The following DST variants were observed in gnomAD, a reference collection of about 807,000 sequenced individuals.
DST encodes dystonin.
DST carries 253 observed loss-of-function variants against 875.2 expected under a neutral mutation model. The observed-to-expected ratio is 0.29, with a 90% CI of 0.26 to 0.32. The LOEUF is 0.32. Ranked by LOEUF, DST falls within the 10% of genes least tolerant of loss-of-function variation. The probability of loss-of-function intolerance (pLI) is 1.00; values close to 1 mark genes in which losing one functional copy is unlikely to be tolerated. For missense variants in DST, 8,287 were observed against 9,111.6 expected (o/e 0.91, Z 3.68); for synonymous variants, 3,124 against 3,197.1 (o/e 0.98, Z 0.77).
At chr6:56,557,280 T>C in intron 59 of DST, 39 bp downstream of exon 59, 1 of 1,568,560 alleles carries the variant, frequency 6.4e-7, no homozygotes, top group Non-Finnish European at 8.6e-7. Context: ...GTAAGTCAAA[T>C]TGCTATGCAC....
intron 2 of DST, among the ~76,000 whole-genome samples, chr6:56,914,188 C>T (rs189592525): frequency 1.8e-4 from 28 of 152,188 alleles, no homozygotes; most frequent in Admixed American, 6.5e-4. Context: ...TTTATGGAAC[C>T]AACAATGCAT....
At chr6:56,830,247 AATG>A (rs2153059164) in intron 4 of DST, among the ~76,000 whole-genome samples, 1 of 152,304 alleles carries the variant, frequency 6.6e-6, no homozygotes, top group African/African-American at 2.4e-5. Context: ...AATGGTTTGA[AATG>A]ATATTTCATG....
rs141007158 is a variant in DST at position 56,560,611 on chromosome 6, G to A, written c.14311-188C>T. Among the ~76,000 whole-genome samples, 53 of 152,152 alleles carry A rather than the reference G, an allele frequency of 3.5e-4. 1 individual carries two copies. The East Asian group carries it at 0.01, about 29-fold the overall frequency. On this transcript the variant is annotated intron_variant, in intron 57 of 103. Coordinates refer to ENST00000680361, the MANE Select transcript of DST (RefSeq NM_001374736.1). ...CTTCTTAGCTAGTGTTCAATTGTGT[G>A]ATACAGGAATCCCCACAGAGGAACA...
chr6:56,935,318 C>T (rs967657887), intron 2 of DST, among the ~76,000 whole-genome samples: 3 of 152,236 alleles, frequency 2.0e-5, no homozygotes, highest in Admixed American at 2.0e-4. Flanking sequence ...AAACAAGAGG[C>T]AGTCACACTC....
At chr6:56,857,103 C>G (rs1768284914) in intron 3 of DST, among the ~76,000 whole-genome samples, 1 of 151,874 alleles carries the variant, frequency 6.6e-6, no homozygotes, top group South Asian at 2.1e-4. Flanking sequence ...CCTCGAACTC[C>G]TGGGCTCAAG....
chr6:56,866,125 C>G (rs1250820281), intron 3 of DST, among the ~76,000 whole-genome samples: 1 of 152,050 alleles, frequency 6.6e-6, no homozygotes, highest in Non-Finnish European at 1.5e-5. Flanking sequence ...TCCCGAGTAG[C>G]TGGGGCTACA....
At chr6:56,719,387 C>T (rs191464081) in intron 5 of DST, among the ~76,000 whole-genome samples, 51 of 152,242 alleles carry the variant, frequency 3.3e-4, no homozygotes, top group Admixed American at 8.5e-4. Context: ...AGACCAAAGC[C>T]GGGGTTATAC....
intron 2 of DST, among the ~76,000 whole-genome samples, chr6:56,912,615 C>A (rs1799235832): frequency 6.6e-6 from 1 of 152,138 alleles, no homozygotes. Flanking sequence ...GAGCTTAACA[C>A]AATAAAAGTT....
intron 9 of DST, among the ~76,000 whole-genome samples, chr6:56,672,721 A>T (rs1264511318): frequency 6.6e-6 from 1 of 152,202 alleles, no homozygotes; most frequent in Non-Finnish European, 1.5e-5. Context: ...CAACAACATT[A>T]GCACAGTGTA....
chr6:56,609,465 C>A, intron 39 of DST, 121 bp from the exon 40 acceptor site: 1 of 703,878 alleles, frequency 1.4e-6, no homozygotes, highest in Non-Finnish European at 2.4e-6. Flanking sequence ...CTCTACTTAC[C>A]AAGGCGCAGC....
At chr6:56,481,118 T>C (rs140453110) in intron 90 of DST, among the ~76,000 whole-genome samples, 2 of 152,344 alleles carry the variant, frequency 1.3e-5, no homozygotes, top group East Asian at 3.9e-4. Context: ...ATTTCATCGC[T>C]ATAGATTCAG....
intron 4 of DST, among the ~76,000 whole-genome samples, chr6:56,761,988 C>G (rs1022695166): frequency 2.0e-5 from 3 of 152,054 alleles, no homozygotes; most frequent in Non-Finnish European, 4.4e-5. Context: ...TCTGCCTCAT[C>G]ATGGCACAGA....
chr6:56,850,361 C>T (rs1203283017), intron 4 of DST, among the ~76,000 whole-genome samples: 1 of 151,242 alleles, frequency 6.6e-6, no homozygotes, highest in African/African-American at 2.4e-5. Context: ...CCCCTCCAGC[C>T]CCCTTGGAGG....
intron 3 of DST, among the ~76,000 whole-genome samples, chr6:56,866,838 G>T (rs1040001511): frequency 3.1e-4 from 47 of 152,186 alleles, no homozygotes; most frequent in African/African-American, 1.1e-3. Context: ...ATGGGAAAAT[G>T]AACAGTAAAA....
intron 4 of DST, among the ~76,000 whole-genome samples, chr6:56,798,043 A>G (rs892780757): frequency 2.0e-5 from 3 of 152,206 alleles, no homozygotes; most frequent in African/African-American, 7.2e-5. Flanking sequence ...GATTTAAGGA[A>G]AGAAACCATC....
intron 86 of DST, 30 bp from the exon 87 acceptor site, chr6:56,487,303 T>C: frequency 6.6e-7 from 1 of 1,520,786 alleles, no homozygotes. Context: ...AAAATGCGAA[T>C]TTCTTCTTGG....
At position 56,608,020 on chromosome 6, in the gene DST, G is replaced by A. The variant is rs867894706; in HGVS notation, c.6608C>T (p.Ser2203Phe). 2 of 1,612,656 alleles carry A rather than the reference G, an allele frequency of 1.2e-6. No individual in the cohort carries two copies. Among genetic ancestry groups the A allele is most frequent in the East Asian group, 2.2e-5 (1 of 44,822 alleles). Residue 2203 changes from serine to phenylalanine, a missense_variant, in exon 40 of 104, where the codon TCT becomes TTT. Physicochemically the swap from Ser to Phe is radical, Grantham distance 155. Coordinates refer to ENST00000680361, the MANE Select transcript of DST (RefSeq NM_001374736.1). Reference sequence around the variant, plus strand: ...CATATAGCTATTTATCATTAAATAAGATAGAAATAATTTTTTAGTTTCTTC... The same window carrying A: ...CATATAGCTATTTATCATTAAATAAAATAGAAATAATTTTTTAGTTTCTTC... ...TSEETKKLFL[S>F]YLMINSYMDA...
intron 10 of DST, among the ~76,000 whole-genome samples, chr6:56,653,810 C>T (rs1431502073): frequency 6.6e-6 from 1 of 152,226 alleles, no homozygotes; most frequent in Non-Finnish European, 1.5e-5. Flanking sequence ...CTTTCCTCTA[C>T]CTGCCTGAAG....
intron 4 of DST, among the ~76,000 whole-genome samples, chr6:56,816,815 G>T (rs1306195827): frequency 2.2e-5 from 3 of 138,364 alleles, no homozygotes; most frequent in African/African-American, 8.4e-5. Flanking sequence ...TAAATAGGCT[G>T]ATTTTTTTTT....
Sources: gnomAD v4.1 joint callset for allele counts (sites outside exome capture counted in the v4.1 genomes callset) on GRCh38, gnomAD v4.1.1 for gene constraint, MANE v1.5 for transcripts, NCBI Gene and HGNC (gene_info 2026-07-23, HGNC 2026-07-21) for gene names.